The following NRXN1 variants were observed in gnomAD, a reference collection of about 807,000 sequenced individuals.
The protein encoded by NRXN1 is neurexin 1, also known as neurexin-1.
In NRXN1, 39 loss-of-function variants were observed where a neutral mutation model predicts 150.9. The ratio of observed to expected loss-of-function variants is 0.26; its 90% CI spans 0.20 to 0.34. NRXN1 has a LOEUF of 0.34. Among genes scored for constraint, NRXN1 ranks in the 10% least tolerant of loss-of-function variants. The pLI is 1.00. For synonymous variants in NRXN1, 924 were observed against 757.0 expected, an observed-to-expected ratio of 1.22 and a Z score of -3.62; for missense variants, 1,815 against 1,949.9, an observed-to-expected ratio of 0.93 and a Z score of 1.30.
At chr2:50,286,162 T>G (rs1264745051) in intron 17 of NRXN1, among the ~76,000 whole-genome samples, 2 of 152,154 alleles carry the variant, frequency 1.3e-5, no homozygotes, top group Non-Finnish European at 2.9e-5. Context: ...TCCACTGTCT[T>G]AGCATTTTTC....
chr2:50,803,951 C>T (rs903445877), intron 5 of NRXN1, among the ~76,000 whole-genome samples: 6 of 152,278 alleles, frequency 3.9e-5, no homozygotes, highest in Admixed American at 3.9e-4. Flanking sequence ...CTCTCATAAA[C>T]TTCAGAAGCT....
At chr2:50,556,934 G>T (rs1479803593) in intron 8 of NRXN1, among the ~76,000 whole-genome samples, 1 of 152,102 alleles carries the variant, frequency 6.6e-6, no homozygotes, top group African/African-American at 2.4e-5. Context: ...CCCTTAATAT[G>T]TGTGATTTGG....
At chr2:49,965,175 C>T (rs1050669915) in intron 21 of NRXN1, among the ~76,000 whole-genome samples, 10 of 151,680 alleles carry the variant, frequency 6.6e-5, no homozygotes, top group South Asian at 4.2e-4. Context: ...CCACTATGTC[C>T]GGTTTCAAAG....
intron 17 of NRXN1, among the ~76,000 whole-genome samples, chr2:50,268,496 G>C (rs1574843627): frequency 6.6e-6 from 1 of 152,198 alleles, no homozygotes; most frequent in East Asian, 1.9e-4. Flanking sequence ...TTACAAAGTA[G>C]CTGGGGAGTT....
intron 17 of NRXN1, among the ~76,000 whole-genome samples, chr2:50,330,068 T>C (rs2152983878): frequency 6.6e-6 from 1 of 152,242 alleles, no homozygotes; most frequent in East Asian, 1.9e-4. Flanking sequence ...CACGTATCTC[T>C]AAATATTTAT....
At chr2:50,168,135 T>C (rs1404672456) in intron 18 of NRXN1, among the ~76,000 whole-genome samples, 1 of 152,148 alleles carries the variant, frequency 6.6e-6, no homozygotes, top group Non-Finnish European at 1.5e-5. Flanking sequence ...CTCAGGACCA[T>C]GTACAAACAG....
intron 18 of NRXN1, among the ~76,000 whole-genome samples, chr2:50,095,791 T>C (rs1430042886): frequency 2.7e-5 from 4 of 150,728 alleles, no homozygotes; most frequent in Admixed American, 6.6e-5. Context: ...TTTATATATA[T>C]ATTTTTTTAT....
chr2:50,961,481 T>A (rs536786587), intron 2 of NRXN1, among the ~76,000 whole-genome samples: 1 of 151,966 alleles, frequency 6.6e-6, no homozygotes, highest in South Asian at 2.1e-4. Context: ...TCTAATCATA[T>A]GGTTTATTGT....
intron 17 of NRXN1, among the ~76,000 whole-genome samples, chr2:50,425,011 T>C (rs1375420038): frequency 6.6e-6 from 1 of 152,162 alleles, no homozygotes; most frequent in Non-Finnish European, 1.5e-5. Flanking sequence ...AACAAGAGAC[T>C]GGACCTCAGA....
At chr2:50,121,204 G>A (rs766552175) in intron 18 of NRXN1, among the ~76,000 whole-genome samples, 57 of 152,134 alleles carry the variant, frequency 3.7e-4, no homozygotes, top group Non-Finnish European at 5.7e-4. Context: ...TGTATTTTTA[G>A]TGGAGACCGG....
At chr2:50,629,703 G>A (rs1427046755) in intron 5 of NRXN1, among the ~76,000 whole-genome samples, 1 of 151,620 alleles carries the variant, frequency 6.6e-6, no homozygotes. Flanking sequence ...AAGATGATAT[G>A]AGAAGACACT....
At chr2:50,278,272 G>A (rs9710709) in intron 17 of NRXN1, among the ~76,000 whole-genome samples, 93,254 of 114,600 alleles carry the variant, frequency 0.81, 38,005 homozygotes, top group African/African-American at 0.86. Flanking sequence ...TATTATATAT[G>A]TATTATATAT....
At chr2:50,786,922 G>C (rs1705208712) in intron 5 of NRXN1, among the ~76,000 whole-genome samples, 1 of 152,072 alleles carries the variant, frequency 6.6e-6, no homozygotes, top group Non-Finnish European at 1.5e-5. Context: ...ATTTGTTTCT[G>C]TTTGAGTTCT....
chr2:50,385,689 C>T (rs1248469620), intron 17 of NRXN1, among the ~76,000 whole-genome samples: 1 of 152,072 alleles, frequency 6.6e-6, no homozygotes, highest in South Asian at 2.1e-4. Context: ...TAAGAGCTGC[C>T]TTTTTTCAAC....
chr2:50,575,649 T>A (rs996601072), intron 8 of NRXN1, among the ~76,000 whole-genome samples: 1 of 152,174 alleles, frequency 6.6e-6, no homozygotes, highest in Non-Finnish European at 1.5e-5. Context: ...TTTCTCTTAT[T>A]ATATATATTT....
intron 5 of NRXN1, among the ~76,000 whole-genome samples, chr2:50,628,318 T>A (rs72885633): frequency 3.3e-5 from 5 of 151,764 alleles, no homozygotes; most frequent in Admixed American, 6.6e-5. Context: ...ATTTCTTTTG[T>A]ATTGTTTAAT....
chr2:51,027,785 G>A lies in NRXN1; in HGVS notation c.489C>T (p.Arg163=), dbSNP rs747224688. 6.2e-7 allele frequency: 1 copy of A among 1,612,744 alleles called. No individual in the cohort carries two copies. Among genetic ancestry groups the A allele is most frequent in the African/African-American group, 1.3e-5 (1 of 75,016 alleles). The change falls in exon 2 of 23, where the codon CGC becomes CGT. Residue 163 remains arginine (R), a synonymous_variant. Coordinates refer to ENST00000401669, the MANE Select transcript of NRXN1 (RefSeq NM_001330078.2). Reference sequence around the variant, plus strand: ...CCAGGGTGAGCTTGAGCGCCGCGGCGCGCAGTTCCGGGGGCAGCCCCCCGA... The same window carrying A: ...CCAGGGTGAGCTTGAGCGCCGCGGCACGCAGTTCCGGGGGCAGCCCCCCGA... ...LFVGGLPPEL[R]AAALKLTLAS... is the part of the protein sequence containing the mutation.
intron 8 of NRXN1, among the ~76,000 whole-genome samples, chr2:50,577,871 AT>A (rs1317833538): frequency 1.3e-5 from 2 of 152,132 alleles, no homozygotes; most frequent in African/African-American, 4.8e-5. Context: ...CTAACCAATA[AT>A]TTTAGCTATA....
chr2:50,445,815 G>A (rs2086351713), intron 17 of NRXN1, among the ~76,000 whole-genome samples: 1 of 152,126 alleles, frequency 6.6e-6, no homozygotes. Flanking sequence ...TTTCTACCTA[G>A]GGATTGGAAA....
Sources: allele counts gnomAD v4.1 joint callset (sites outside exome capture counted in the v4.1 genomes callset), GRCh38; gene constraint gnomAD v4.1.1; transcripts MANE v1.5; gene names NCBI Gene and HGNC (gene_info 2026-07-23, HGNC 2026-07-21).